The following DLG2 variants were observed in gnomAD, a reference collection of about 807,000 sequenced individuals.
DLG2 encodes discs large MAGUK scaffold protein 2, also known as disks large homolog 2.
DLG2 carries 45 observed loss-of-function variants against 132.5 expected under a neutral mutation model. That is an observed-to-expected ratio of 0.34 (90% CI 0.27 to 0.44). The LOEUF (loss-of-function observed/expected upper bound fraction) is 0.44, where lower values mean the gene tolerates loss of function less well. DLG2 is among the 20% of genes least tolerant of loss of function. DLG2 has a pLI of 1.00. For synonymous variants in DLG2, 424 were observed against 419.6 expected (o/e 1.01, Z -0.13); for missense variants, 1,045 against 1,196.9 (o/e 0.87, Z 1.87).
At chr11:84,963,458 A>G (rs2052882320) in intron 6 of DLG2, among the ~76,000 whole-genome samples, 1 of 83,830 alleles carries the variant, frequency 1.2e-5, no homozygotes. Context: ...GGCTGTTTCA[A>G]TAAGGTATCT....
chr11:83,502,466 A>ATCTC (rs71274448), intron 21 of DLG2, among the ~76,000 whole-genome samples: 54,608 of 151,642 alleles, frequency 0.36, 9,836 homozygotes, highest in Middle Eastern at 0.46. Flanking sequence ...CTAAAATATA[A>ATCTC]TCTCTATTTT....
chr11:84,122,584 C>CA (rs34680496), intron 9 of DLG2, among the ~76,000 whole-genome samples: 7 of 151,524 alleles, frequency 4.6e-5, no homozygotes, highest in South Asian at 2.1e-4. Flanking sequence ...GGCAAACAAA[C>CA]AAAAAAAAAA....
At chr11:84,717,372 T>A (rs1057502607) in intron 6 of DLG2, among the ~76,000 whole-genome samples, 1 of 152,078 alleles carries the variant, frequency 6.6e-6, no homozygotes, top group East Asian at 1.9e-4. Flanking sequence ...ATGAAAATCC[T>A]TATTTTATAT....
chr11:84,568,827 A>T (rs1199225662), intron 6 of DLG2, among the ~76,000 whole-genome samples: 1 of 152,206 alleles, frequency 6.6e-6, no homozygotes, highest in Non-Finnish European at 1.5e-5. Flanking sequence ...AGAAGGTCAA[A>T]TAGCTACTCA....
chr11:85,503,050 C>T (rs80148051), intron 3 of DLG2, among the ~76,000 whole-genome samples: 2,380 of 152,042 alleles, frequency 0.016, 29 homozygotes, highest in Non-Finnish European at 0.023. Flanking sequence ...AGCATACTCC[C>T]GTATGAAGAA....
chr11:83,578,591 TA>T lies in DLG2; in HGVS notation c.1941-36734del, dbSNP rs556928776. On this transcript the variant is annotated intron_variant, in intron 19 of 27. Coordinates refer to ENST00000376104, the MANE Select transcript of DLG2 (RefSeq NM_001142699.3). ...GAAAAAATATATACCATATTGACAC[TA>T]GTCAAAAGAAAGTTGGAATGACTGC... is the stretch of plus-strand genomic sequence containing the variant. Among the ~76,000 whole-genome samples, 472 of 152,210 alleles carry T rather than the reference TA, an allele frequency of 3.1e-3. 3 individuals carry two copies. Among genetic ancestry groups the T allele is most frequent in the African/African-American group, 0.011 (447 of 41,552 alleles).
intron 18 of DLG2, chr11:83,693,666 G>C (rs746763422): frequency 1.3e-5 from 2 of 152,244 alleles, no homozygotes; most frequent in Non-Finnish European, 2.9e-5. Context: ...GTGGAAGGCA[G>C]AGACAGCTTT....
intron 6 of DLG2, among the ~76,000 whole-genome samples, chr11:85,000,306 A>C (rs755333330): frequency 1.3e-5 from 2 of 152,210 alleles, no homozygotes; most frequent in Non-Finnish European, 2.9e-5. Context: ...AACTAGGTCC[A>C]GAAAAGCTTA....
chr11:84,481,096 A>G (rs1337034689), intron 7 of DLG2, among the ~76,000 whole-genome samples: 1 of 152,046 alleles, frequency 6.6e-6, no homozygotes, highest in Non-Finnish European at 1.5e-5. Flanking sequence ...TGAGACTCAA[A>G]AGAGATAATA....
At chr11:84,623,626 C>T (rs979014873) in intron 6 of DLG2, among the ~76,000 whole-genome samples, 2 of 152,136 alleles carry the variant, frequency 1.3e-5, no homozygotes, top group African/African-American at 4.8e-5. Context: ...CATTCTTCTG[C>T]ATTTGAATTT....
intron 6 of DLG2, among the ~76,000 whole-genome samples, chr11:84,938,571 G>A (rs750466739): frequency 6.6e-6 from 1 of 152,128 alleles, no homozygotes; most frequent in Non-Finnish European, 1.5e-5. Context: ...TTCTTGTAAA[G>A]CATACAGATT....
At chr11:85,103,689 T>C (rs1394829724) in intron 6 of DLG2, among the ~76,000 whole-genome samples, 1 of 151,730 alleles carries the variant, frequency 6.6e-6, no homozygotes, top group Non-Finnish European at 1.5e-5. Flanking sequence ...AGATATAACA[T>C]CAAAAATACA....
At chr11:83,897,470 A>T (rs1243660825) in intron 15 of DLG2, among the ~76,000 whole-genome samples, 1 of 152,220 alleles carries the variant, frequency 6.6e-6, no homozygotes, top group East Asian at 1.9e-4. Flanking sequence ...CAAATTGTGT[A>T]TTCTATAAAA....
chr11:84,444,453 C>G (rs1360783301), intron 7 of DLG2, among the ~76,000 whole-genome samples: 2 of 151,702 alleles, frequency 1.3e-5, no homozygotes, highest in African/African-American at 4.8e-5. Context: ...TATATTTTTC[C>G]CATATGTATG....
intron 14 of DLG2, among the ~76,000 whole-genome samples, chr11:83,932,009 C>T (rs1332249493): frequency 6.6e-6 from 1 of 152,100 alleles, no homozygotes. Flanking sequence ...CATTCACTGG[C>T]TAAAGAATAG....
In DLG2 at chr11:83,462,012, T is replaced by G. The variant is rs1277291918; in HGVS notation, c.2811A>C (p.Glu937Asp). 1.9e-6 allele frequency: 3 copies of G among 1,607,798 alleles called. No homozygotes were observed. The highest frequency in any genetic ancestry group is 8.5e-7 in the Non-Finnish European group (1 of 1,174,338). Residue 937 changes from glutamate (E) to aspartate (D), a missense_variant, in exon 27 of 28, where the codon GAA becomes GAC. Physicochemically the swap from Glu to Asp is conservative, Grantham distance 45. Transcript: ENST00000376104. The stretch of plus-strand genomic sequence containing the variant: ...TAAAAGTGAACTTACCTGTAAAATA[T>G]TCTCCAAATTCTTGTTCTAGCTTAA... ...RAIKLEQEFG[E>D]YFTAIVQGDT... is the part of the protein sequence containing the mutation.
At chr11:84,801,415 C>A (rs531381161) in intron 6 of DLG2, among the ~76,000 whole-genome samples, 7 of 152,046 alleles carry the variant, frequency 4.6e-5, no homozygotes, top group Non-Finnish European at 7.4e-5. Flanking sequence ...TAAAAAAATA[C>A]GAAAAACTAG....
At position 84,416,265 on chromosome 11, in the gene DLG2, G is replaced by T. The variant is rs533842453; in HGVS notation, c.519+118305C>A. On this transcript the variant is annotated intron_variant, in intron 7 of 27. Transcript: ENST00000376104. ...AGAGAGAAAGAGACTAACATTCAAT[G>T]CTTCTTAAGAATTTCCCCAACCAAA... 1.8e-4 allele frequency among the ~76,000 whole-genome samples: 27 copies of T among 152,264 alleles called. No individual in the cohort carries two copies. The East Asian group carries it at 1.9e-3, about 11-fold the overall frequency.
intron 7 of DLG2, among the ~76,000 whole-genome samples, chr11:84,328,371 T>C (rs918002738): frequency 1.3e-5 from 2 of 151,964 alleles, no homozygotes; most frequent in Non-Finnish European, 2.9e-5. Context: ...AGGAAATACA[T>C]CTCTTTAAAA....
Sources: allele counts gnomAD v4.1 joint callset (sites outside exome capture counted in the v4.1 genomes callset), GRCh38; gene constraint gnomAD v4.1.1; transcripts MANE v1.5; gene names NCBI Gene and HGNC (gene_info 2026-07-23, HGNC 2026-07-21).